The following TPTE2 variants were observed in gnomAD, a reference collection of about 807,000 sequenced individuals.
The protein encoded by TPTE2 is phosphatidylinositol 3,4,5-trisphosphate 3-phosphatase TPTE2.
A neutral mutation model predicts 78.6 loss-of-function variants in TPTE2; 53 were observed. The ratio of observed to expected loss-of-function variants is 0.67; its 90% CI spans 0.54 to 0.85. The LOEUF is 0.85. TPTE2 is among the 40% of genes least tolerant of loss of function. The pLI is 0.00. For missense variants in TPTE2, 461 were observed against 623.0 expected (o/e 0.74, Z 2.77); for synonymous variants, 175 against 206.2 (o/e 0.85, Z 1.30).
chr13:19,467,117 G>A, intron 7 of TPTE2, 108 bp downstream of exon 10: 1 of 1,302,798 alleles, frequency 7.7e-7, no homozygotes, highest in Admixed American at 2.7e-5. Flanking sequence ...CAATGTATTT[G>A]GTATAGATGA....
intron 6 of TPTE2, among the ~76,000 whole-genome samples, chr13:19,467,894 C>CTT (rs1276484444): frequency 4.5e-5 from 5 of 111,892 alleles, no homozygotes; most frequent in South Asian, 3.1e-4. Flanking sequence ...AATTCAATTG[C>CTT]TTTTTTTTTT....
chr13:19,560,306 C>G, the TPTE2 span: 4 of 1,251,908 alleles, frequency 3.2e-6, no homozygotes, highest in Non-Finnish European at 4.6e-6. Flanking sequence ...TTCAGTAGAA[C>G]GTACTCCCCT....
At chr13:19,466,384 C>G (rs1439866227) in intron 7 of TPTE2, among the ~76,000 whole-genome samples, 1 of 152,166 alleles carries the variant, frequency 6.6e-6, no homozygotes, top group Non-Finnish European at 1.5e-5. Flanking sequence ...ACTTAACATG[C>G]TTTTAGTTGG....
chr13:19,473,184 C>T lies in TPTE2; in HGVS notation c.392+730G>A, dbSNP rs540132226. Among the ~76,000 whole-genome samples, 3 of 152,288 alleles carry T rather than the reference C, an allele frequency of 2.0e-5. No individual in the cohort carries two copies. The South Asian group carries it at 6.2e-4, about 32-fold the overall frequency. ...GGCCAGCACAGCACTGGGTCTTGCC[C>T]AAGACCTGCTGTAACCACTCCTTAG... On this transcript the variant is annotated intron_variant, in intron 6 of 19. Transcript: ENST00000400230.
chr13:19,472,568 T>C (rs979253506), intron 6 of TPTE2, among the ~76,000 whole-genome samples: 38 of 152,330 alleles, frequency 2.5e-4, no homozygotes, highest in African/African-American at 8.4e-4. Context: ...TCCTTCTCTG[T>C]CTTATCTTGA....
chr13:19,437,806 C>T (rs1214890883), intron 14 of TPTE2, among the ~76,000 whole-genome samples: 1 of 151,900 alleles, frequency 6.6e-6, no homozygotes, highest in Non-Finnish European at 1.5e-5. Flanking sequence ...TAAAATATTG[C>T]ATTAAAATTA....
intron 3 of TPTE2, among the ~76,000 whole-genome samples, chr13:19,483,182 A>C (rs561215309): frequency 9.8e-5 from 15 of 152,308 alleles, no homozygotes; most frequent in African/African-American, 2.6e-4. Context: ...GTGGTTGCCA[A>C]TGGTTGGAGT....
chr13:19,447,093 T>G (rs961690912), intron 13 of TPTE2, among the ~76,000 whole-genome samples: 5 of 152,104 alleles, frequency 3.3e-5, no homozygotes, highest in African/African-American at 1.2e-4. Context: ...ATAAAATATT[T>G]TTACTATCAT....
intron 3 of TPTE2, among the ~76,000 whole-genome samples, chr13:19,488,255 G>C (rs1880776593): frequency 6.6e-6 from 1 of 152,154 alleles, no homozygotes; most frequent in Non-Finnish European, 1.5e-5. Flanking sequence ...AATTCGTAAG[G>C]GCCCTAGGAT....
In TPTE2 at chr13:19,423,175, A is replaced by G. The variant is rs187374007; in HGVS notation, c.1467-11T>C. The G allele has an allele frequency of 8.1e-5, 122 of 1,512,956 alleles. 1 individual carries two copies. The Admixed American group carries it at 1.7e-3, about 21-fold the overall frequency. 93.7% of individuals were successfully genotyped at this position (1,512,956 alleles called of 1,614,324 possible). On this transcript the variant is annotated splice_polypyrimidine_tract_variant and intron_variant, in intron 19 of 19. Coordinates refer to ENST00000400230, the Ensembl canonical transcript of TPTE2. Reference sequence around the variant, plus strand: ...CTTGGTAGACAAAGCCTAAGAATAGAAAAAAAAAATTACATTTTATATTGG... The same window carrying G: ...CTTGGTAGACAAAGCCTAAGAATAGGAAAAAAAAATTACATTTTATATTGG...
chr13:19,437,572 T>C (rs1877188133), intron 14 of TPTE2, among the ~76,000 whole-genome samples: 1 of 152,200 alleles, frequency 6.6e-6, no homozygotes, highest in African/African-American at 2.4e-5. Flanking sequence ...GGAGAATTTA[T>C]CTAATTAAGC....
upstream of TPTE2, among the ~76,000 whole-genome samples, chr13:19,506,619 G>T (rs1276912037): frequency 2.6e-5 from 4 of 152,132 alleles, no homozygotes; most frequent in Non-Finnish European, 5.9e-5. Context: ...TCAAATAGCT[G>T]CAGTTACTCT....
upstream of TPTE2, among the ~76,000 whole-genome samples, chr13:19,540,271 A>G (rs1281165430): frequency 7.5e-6 from 1 of 133,474 alleles, no homozygotes; most frequent in Non-Finnish European, 1.6e-5. Flanking sequence ...TATCTACCCA[A>G]TTAAATCTCA....
intron 10 of TPTE2, among the ~76,000 whole-genome samples, chr13:19,461,284 T>C (rs7987739): frequency 0.11 from 16,257 of 152,140 alleles, 1,003 homozygotes; most frequent in Middle Eastern, 0.19. Context: ...CTTCATTCTT[T>C]AAAAATATTT....
At chr13:19,545,172 A>C in the TPTE2 span, among the ~76,000 whole-genome samples, 94,203 of 151,770 alleles carry the variant, frequency 0.62, 32,897 homozygotes, top group East Asian at 0.88. Flanking sequence ...TAACTGACTT[A>C]GCAGAGGAGA....
At chr13:19,522,237 A>G (rs1449602455) in intron 1 of TPTE2, among the ~76,000 whole-genome samples, 1 of 152,214 alleles carries the variant, frequency 6.6e-6, no homozygotes, top group African/African-American at 2.4e-5. Flanking sequence ...TAATTGGCCC[A>G]ATATGCAATG....
At chr13:19,494,677 C>T (rs1379495390) in intron 1 of TPTE2, among the ~76,000 whole-genome samples, 6 of 152,110 alleles carry the variant, frequency 3.9e-5, no homozygotes, top group Non-Finnish European at 7.4e-5. Context: ...CCAAAGTGCT[C>T]AGATTACAGG....
upstream of TPTE2, chr13:19,503,348 C>G: frequency 6.7e-7 from 1 of 1,497,742 alleles, no homozygotes; most frequent in South Asian, 1.2e-5. Flanking sequence ...GTAAAACTAG[C>G]TTTCATTACT....
chr13:19,506,551 G>A (rs369789881), upstream of TPTE2, among the ~76,000 whole-genome samples: 37 of 152,234 alleles, frequency 2.4e-4, no homozygotes, highest in African/African-American at 8.7e-4. Context: ...GCTGTGGGCT[G>A]AGGAATTATA....
Sources: allele counts gnomAD v4.1 joint callset (sites outside exome capture counted in the v4.1 genomes callset), GRCh38; gene constraint gnomAD v4.1.1; transcripts MANE v1.5; gene names NCBI Gene and HGNC (gene_info 2026-07-23, HGNC 2026-07-21).